Variants in DAPK3 observed in about 807,000 individuals in gnomAD.
The protein encoded by DAPK3 is death-associated protein kinase 3.
A neutral mutation model predicts 30.6 loss-of-function variants in DAPK3; 24 were observed. The ratio of observed to expected loss-of-function variants is 0.78; its 90% CI spans 0.57 to 1.10. The LOEUF (loss-of-function observed/expected upper bound fraction) is 1.10, where lower values mean the gene tolerates loss of function less well. Among genes scored for constraint, DAPK3 ranks in the 50% least tolerant of loss-of-function variants. DAPK3 has a pLI of 0.00. For missense variants in DAPK3, 629 were observed against 657.3 expected, an observed-to-expected ratio of 0.96 and a Z score of 0.47; for synonymous variants, 341 against 284.0, an observed-to-expected ratio of 1.20 and a Z score of -2.02.
rs1599184537 is a variant in DAPK3, at chr19:3,969,832, G to A, written c.-94-3C>T. 1 of 793,150 alleles carries A rather than the reference G, an allele frequency of 1.3e-6. No homozygotes were observed. Among genetic ancestry groups the A allele is most frequent in the Admixed American group, 1.9e-5 (1 of 52,308 alleles). 49.1% of individuals were successfully genotyped at this position (793,150 alleles called of 1,614,324 possible). ...TCAGGAGTCCCCTAATGGCAACCCT[G>A]GAGAAGACAGGGAAAGACAGAAGTG... On this transcript the variant is annotated splice_region_variant and splice_polypyrimidine_tract_variant and intron_variant, in intron 1 of 8. Coordinates refer to ENST00000545797, the MANE Select transcript of DAPK3 (RefSeq NM_001348.3).
At position 3,958,947 on chromosome 19, in the gene DAPK3, C is replaced by G; in HGVS notation, c.*154G>C. On this transcript the variant is annotated 3_prime_UTR_variant, in exon 9 of 9. Coordinates refer to ENST00000545797, the MANE Select transcript of DAPK3 (RefSeq NM_001348.3). ...ACACCCACCCCTGCCTGCGAACTTA[C>G]GGGCCTGGCTCCAGCTCCTCCCACT... is the stretch of plus-strand genomic sequence containing the variant. 2 of 591,670 alleles carry G rather than the reference C, an allele frequency of 3.4e-6. No individual in the cohort carries two copies. Among genetic ancestry groups the G allele is most frequent in the East Asian group, 2.9e-5 (1 of 34,018 alleles). 36.7% of individuals were successfully genotyped at this position (591,670 alleles called of 1,614,324 possible).
rs1344763712 is a variant in DAPK3 at position 3,967,302 on chromosome 19, A to G, written c.63-2311T>C. On this transcript the variant is annotated intron_variant, in intron 2 of 8. Coordinates refer to ENST00000545797, the MANE Select transcript of DAPK3 (RefSeq NM_001348.3). Reference sequence around the variant, plus strand: ...ACGTCTCTACTAAAAATACAAAAACATTAGCCGGGCGTGCTGGCAGGCATC... The same window carrying G: ...ACGTCTCTACTAAAAATACAAAAACGTTAGCCGGGCGTGCTGGCAGGCATC... Among the ~76,000 whole-genome samples, 4 of 151,800 alleles carry G rather than the reference A, an allele frequency of 2.6e-5. No homozygotes were observed. In the South Asian group the frequency reaches 8.3e-4, roughly 32 times the overall value.
intron 2 of DAPK3, among the ~76,000 whole-genome samples, chr19:3,966,576 G>C (rs1384162635): frequency 6.6e-6 from 1 of 152,194 alleles, no homozygotes; most frequent in Non-Finnish European, 1.5e-5. Context: ...GGAGAGGGGA[G>C]CCACCAGGCA....
In DAPK3 at chr19:3,963,894, C is replaced by T. The variant is rs552077321; in HGVS notation, c.579G>A (p.Pro193=). ...FVAPEIVNYE[P]LGLEADMWSI... is the part of the protein sequence containing the mutation. ...ACCACATGTCCGCCTCCAGGCCCAG[C>T]GGCTCATAGTTCACAATCTCTGGGG... The change falls in exon 5 of 9, where the codon CCG becomes CCA. Residue 193 remains proline (P), a synonymous_variant. Coordinates refer to ENST00000545797, the MANE Select transcript of DAPK3 (RefSeq NM_001348.3). The T allele has an allele frequency of 9.4e-6, 15 of 1,603,030 alleles. No individual in the cohort carries two copies. Among genetic ancestry groups the T allele is most frequent in the Middle Eastern group, 1.7e-4 (1 of 6,048 alleles).
intron 2 of DAPK3, among the ~76,000 whole-genome samples, chr19:3,966,403 A>G (rs2039577507): frequency 6.6e-6 from 1 of 152,122 alleles, no homozygotes; most frequent in Non-Finnish European, 1.5e-5. Context: ...GCAGAAAACC[A>G]CGCCTTCCAG....
At chr19:3,966,426 G>A (rs535121870) in intron 2 of DAPK3, among the ~76,000 whole-genome samples, 15 of 152,156 alleles carry the variant, frequency 9.9e-5, no homozygotes, top group African/African-American at 3.1e-4. Context: ...CAAAGAGACC[G>A]GTCCAGTCCA....
At position 3,971,041 on chromosome 19, in the gene DAPK3, A is replaced by G. The variant is rs2039628531; in HGVS notation, c.-215T>C. ...CTTTACCCTCCGCAGCCCGGAGAAT[A>G]CGGCCGGCGCCGCCGCGCTGGCCAC... On this transcript the variant is annotated 5_prime_UTR_variant, in exon 1 of 9. Transcript: ENST00000545797. 1 of 153,678 alleles carries G rather than the reference A, an allele frequency of 6.5e-6. No individual in the cohort carries two copies. Among genetic ancestry groups the G allele is most frequent in the African/African-American group, 2.4e-5 (1 of 41,356 alleles). 9.5% of individuals were successfully genotyped at this position (153,678 alleles called of 1,614,324 possible). A position where few individuals can be genotyped will look rare whatever the true frequency, so the allele number is the denominator to read the frequency against.
chr19:3,963,103 C>CA (rs35742812), intron 6 of DAPK3, among the ~76,000 whole-genome samples: 63 of 143,774 alleles, frequency 4.4e-4, no homozygotes, highest in South Asian at 1.5e-3. Flanking sequence ...AAAACTCCAT[C>CA]AAAAAAAAAA....
chr19:3,964,567 T>A, intron 3 of DAPK3, 64 bp downstream of exon 3: 3 of 1,351,906 alleles, frequency 2.2e-6, no homozygotes, highest in Non-Finnish European at 3.0e-6. Context: ...TTCCAGGCTC[T>A]TCCCCGCCCC....
At chr19:3,968,999 T>C (rs1005047718) in intron 2 of DAPK3, among the ~76,000 whole-genome samples, 2 of 152,214 alleles carry the variant, frequency 1.3e-5, no homozygotes, top group Non-Finnish European at 2.9e-5. Flanking sequence ...CTCTGCTTTT[T>C]CCCACAAGCA....
At chr19:3,962,326 C>CAA (rs2039525275) in intron 6 of DAPK3, among the ~76,000 whole-genome samples, 1 of 152,238 alleles carries the variant, frequency 6.6e-6, no homozygotes, top group Non-Finnish European at 1.5e-5. Flanking sequence ...AAAAAGAATA[C>CAA]AAACGGTCTA....
chr19:3,967,406 T>C (rs865881187), intron 2 of DAPK3, among the ~76,000 whole-genome samples: 2 of 151,052 alleles, frequency 1.3e-5, no homozygotes, highest in African/African-American at 2.4e-5. Flanking sequence ...TGAGCTGAGA[T>C]TGCGGCATTG....
intron 6 of DAPK3, among the ~76,000 whole-genome samples, chr19:3,962,147 G>A (rs985914410): frequency 1.3e-5 from 2 of 152,138 alleles, no homozygotes; most frequent in Non-Finnish European, 2.9e-5. Flanking sequence ...GTGAGCCATC[G>A]CACCCGGCCC....
chr19:3,968,637 G>A (rs569109952), intron 2 of DAPK3, among the ~76,000 whole-genome samples: 3 of 152,208 alleles, frequency 2.0e-5, no homozygotes, highest in East Asian at 3.9e-4. Flanking sequence ...TTTGCCAAAC[G>A]ACCCCTAGCA....
At chr19:3,960,181 C>T in intron 7 of DAPK3, 77 bp from the exon 8 acceptor site, 1 of 795,332 alleles carries the variant, frequency 1.3e-6, no homozygotes, top group Non-Finnish European at 2.2e-6. Context: ...CTCCCGGGAC[C>T]CCCAAAAGCC....
At position 3,965,028 on chromosome 19, in the gene DAPK3, G is replaced by A. The variant is rs769505228; in HGVS notation, c.63-37C>T. 3.4e-6 allele frequency: 4 copies of A among 1,193,316 alleles called. No individual in the cohort carries two copies. The Admixed American group carries it at 6.9e-5, about 21-fold the overall frequency. 73.9% of individuals were successfully genotyped at this position (1,193,316 alleles called of 1,614,324 possible). ...GGAGGGAGTGAGTGGGGGTGGAGGA[G>A]GCGGAGGGAGTAAGTGGGGGTGGCT... On this transcript the variant is annotated intron_variant, in intron 2 of 8. Coordinates refer to ENST00000545797, the MANE Select transcript of DAPK3 (RefSeq NM_001348.3).
At chr19:3,963,794 G>A (rs544320317) in intron 5 of DAPK3, 77 bp downstream of exon 5, 30 of 1,244,380 alleles carry the variant, frequency 2.4e-5, no homozygotes, top group Middle Eastern at 1.9e-4. Context: ...GCAAGGCCCC[G>A]CTTCATCCCC....
At position 3,971,007 on chromosome 19, in the gene DAPK3, G is replaced by C. The variant is rs1039106073; in HGVS notation, c.-181C>G. On this transcript the variant is annotated 5_prime_UTR_variant, in exon 1 of 9. Transcript: ENST00000545797. Reference sequence around the variant, plus strand: ...CCACCCAGCCCTCCAGCCTCGGCCCGAGCCCGCTCTTTACCCTCCGCAGCC... The same window carrying C: ...CCACCCAGCCCTCCAGCCTCGGCCCCAGCCCGCTCTTTACCCTCCGCAGCC... The C allele has an allele frequency of 6.5e-6, 1 of 152,870 alleles. No individual in the cohort carries two copies. The highest frequency in any genetic ancestry group is 6.5e-5 in the Admixed American group (1 of 15,276). The allele number at this position is 152,870 out of a possible 1,614,324, so 9.5% of individuals were successfully genotyped here. A position where few individuals can be genotyped will look rare whatever the true frequency, so the allele number is the denominator to read the frequency against.
chr19:3,959,229 AGCGGCGCTTGAG>A lies in DAPK3; in HGVS notation c.1225_1236del (p.Leu409_Arg412del). The A allele has an allele frequency of 6.2e-7, 1 of 1,600,780 alleles. No individual in the cohort carries two copies. Among genetic ancestry groups the A allele is most frequent in the Non-Finnish European group, 8.5e-7 (1 of 1,178,330 alleles). ...TCGTAGCGGTTCTCCAGGCGGCTGA[AGCGGCGCTTGAG>A]GCCGCTGGTCCCCAGCAGCGCGCCC... On this transcript the variant is annotated inframe_deletion, in exon 9 of 9. Coordinates refer to ENST00000545797, the MANE Select transcript of DAPK3 (RefSeq NM_001348.3).
Sources: gnomAD v4.1 joint callset for allele counts (sites outside exome capture counted in the v4.1 genomes callset) on GRCh38, gnomAD v4.1.1 for gene constraint, MANE v1.5 for transcripts, NCBI Gene and HGNC (gene_info 2026-07-23, HGNC 2026-07-21) for gene names.